Variants in TRAK1 observed in about 807,000 individuals in gnomAD.
The protein encoded by TRAK1 is trafficking kinesin protein 1, also known as trafficking kinesin-binding protein 1.
Under a neutral mutation model 92.1 loss-of-function variants are expected in TRAK1, and 33 were observed. The ratio of observed to expected loss-of-function variants is 0.36; its 90% CI spans 0.27 to 0.48. TRAK1 has a LOEUF of 0.48. Among genes scored for constraint, TRAK1 ranks in the 20% least tolerant of loss-of-function variants. The pLI is 0.99. For missense variants in TRAK1, 1,123 were observed against 1,257.9 expected (o/e 0.89, Z 1.62); for synonymous variants, 521 against 517.3 (o/e 1.01, Z -0.10).
chr3:42,103,997 G>A (rs1345613915), intron 1 of TRAK1, among the ~76,000 whole-genome samples: 2 of 152,216 alleles, frequency 1.3e-5, no homozygotes, highest in African/African-American at 4.8e-5. Flanking sequence ...AATGGTCTTA[G>A]CAAATAGCAC....
intron 13 of TRAK1, among the ~76,000 whole-genome samples, chr3:42,207,167 T>C (rs1437627859): frequency 6.6e-6 from 1 of 152,164 alleles, no homozygotes. Flanking sequence ...CAGACTCCAG[T>C]GTACAGTCCC....
chr3:42,041,940 G>A (rs1265136758), intron 1 of TRAK1, among the ~76,000 whole-genome samples: 1 of 152,038 alleles, frequency 6.6e-6, no homozygotes, highest in African/African-American at 2.4e-5. Context: ...TTGCAGGCAC[G>A]TGTCACCACA....
At chr3:42,192,409 C>T (rs370322535) in intron 7 of TRAK1, among the ~76,000 whole-genome samples, 3 of 151,712 alleles carry the variant, frequency 2.0e-5, no homozygotes, top group East Asian at 3.9e-4. Flanking sequence ...TATTGCATTT[C>T]GTCAAAGTAC....
At chr3:42,038,803 G>GGTTT (rs1702424232) in intron 1 of TRAK1, among the ~76,000 whole-genome samples, 11 of 96,758 alleles carry the variant, frequency 1.1e-4, no homozygotes, top group Non-Finnish European at 1.4e-4. Flanking sequence ...AAAAAAAAAA[G>GGTTT]TTTTTTTTTT....
chr3:42,175,844 G>A (rs1288987241), intron 2 of TRAK1, among the ~76,000 whole-genome samples: 1 of 152,170 alleles, frequency 6.6e-6, no homozygotes, highest in African/African-American at 2.4e-5. Flanking sequence ...ATTCACTGAA[G>A]TCTTAGTTAC....
chr3:42,161,594 C>A (rs1230340338), intron 2 of TRAK1, among the ~76,000 whole-genome samples: 1 of 152,188 alleles, frequency 6.6e-6, no homozygotes, highest in Non-Finnish European at 1.5e-5. Context: ...CTAAGTTGCC[C>A]AGGCTGGAAC....
intron 1 of TRAK1, among the ~76,000 whole-genome samples, chr3:42,056,753 A>G (rs537554045): frequency 3.5e-4 from 53 of 152,346 alleles, no homozygotes; most frequent in African/African-American, 1.3e-3. Flanking sequence ...CTTTAAATGT[A>G]TGCCATGTTA....
At chr3:42,157,243 G>A (rs1468097006) in intron 2 of TRAK1, among the ~76,000 whole-genome samples, 1 of 151,618 alleles carries the variant, frequency 6.6e-6, no homozygotes, top group Non-Finnish European at 1.5e-5. Context: ...TGGATTGCTT[G>A]AGCCCAGGAG....
At chr3:42,150,315 C>A (rs1488817763) in intron 2 of TRAK1, among the ~76,000 whole-genome samples, 7 of 152,164 alleles carry the variant, frequency 4.6e-5, no homozygotes, top group Non-Finnish European at 1.0e-4. Context: ...TTCAAGCACA[C>A]AGAAAACAGC....
chr3:42,070,185 G>A (rs918310366), intron 1 of TRAK1, among the ~76,000 whole-genome samples: 1 of 150,868 alleles, frequency 6.6e-6, no homozygotes, highest in Non-Finnish European at 1.5e-5. Flanking sequence ...CTGGGTGTGA[G>A]TGAGCTTGTT....
Position 42,193,858 on chromosome 3 carries a change from T to C in TRAK1, c.935T>C (p.Leu312Pro). 14 of 1,614,208 alleles carry C rather than the reference T, an allele frequency of 8.7e-6. No individual in the cohort carries two copies. The highest frequency in any genetic ancestry group is 1.2e-5 in the Non-Finnish European group (14 of 1,180,026). ...GAAAATGAAGAACTTGTCCAGCATC[T>C]GGGGGCTGCTAAGGATGCCCAGCGG... Reference protein sequence around the residue: ...AVENEELVQHLGAAKDAQRQL... With the variant: ...AVENEELVQHPGAAKDAQRQL... Residue 312 changes from leucine to proline, a missense_variant, in exon 9 of 16, where the codon CTG (leucine) becomes CCG (proline). Physicochemically the swap from Leu to Pro is moderately conservative, Grantham distance 98 (BLOSUM62 -3). This residue lies in a region of TRAK1 where 686 missense variants were observed against 747.6 expected (regional missense o/e 0.92). Transcript: ENST00000327628.
At chr3:42,125,038 G>A (rs1710384403) in intron 1 of TRAK1, among the ~76,000 whole-genome samples, 1 of 152,202 alleles carries the variant, frequency 6.6e-6, no homozygotes, top group Non-Finnish European at 1.5e-5. Flanking sequence ...TAAAAGAGTG[G>A]CATGAAGAAG....
At chr3:42,096,751 T>G (rs1254981110) in intron 1 of TRAK1, among the ~76,000 whole-genome samples, 1 of 152,224 alleles carries the variant, frequency 6.6e-6, no homozygotes, top group Admixed American at 6.5e-5. Flanking sequence ...TGAAGCATGC[T>G]GGCTACTCAA....
At chr3:42,077,101 C>T (rs190595972) in intron 1 of TRAK1, among the ~76,000 whole-genome samples, 47 of 152,214 alleles carry the variant, frequency 3.1e-4, no homozygotes, top group Middle Eastern at 3.4e-3. Flanking sequence ...CTTATAATTG[C>T]TTTGGCTATT....
At chr3:42,107,751 G>A (rs770960039) in intron 1 of TRAK1, among the ~76,000 whole-genome samples, 2 of 152,092 alleles carry the variant, frequency 1.3e-5, no homozygotes, top group East Asian at 1.9e-4. Context: ...GTAACTATCT[G>A]TATCAGTAAG....
At chr3:42,108,665 C>G (rs887780977) in intron 1 of TRAK1, among the ~76,000 whole-genome samples, 4 of 151,798 alleles carry the variant, frequency 2.6e-5, no homozygotes, top group African/African-American at 9.7e-5. Context: ...CCCTCCATTC[C>G]CAGCACTGCT....
chr3:42,219,672 T>C lies in TRAK1; in HGVS notation c.2066+76T>C, dbSNP rs1577070061. ...CTCCCTTCCCTGCAAGGCTTAATGT[T>C]GAGGAAAGCCAAGTAGAGAGGCTCA... On this transcript the variant is annotated intron_variant, in intron 15 of 15. Transcript: ENST00000327628. The C allele has an allele frequency of 7.8e-6, 12 of 1,548,088 alleles. No individual in the cohort carries two copies. The East Asian group carries it at 2.7e-4, about 35-fold the overall frequency.
intron 1 of TRAK1, among the ~76,000 whole-genome samples, chr3:42,054,910 T>C (rs1424694171): frequency 1.1e-5 from 1 of 91,378 alleles, no homozygotes; most frequent in African/African-American, 1.0e-4. Context: ...CTAGATTTTT[T>C]TTTTTTTTTT....
At chr3:42,208,896 G>T (rs1208420220) in intron 13 of TRAK1, among the ~76,000 whole-genome samples, 4 of 152,186 alleles carry the variant, frequency 2.6e-5, no homozygotes, top group Non-Finnish European at 5.9e-5. Context: ...CATACTAAAG[G>T]TTCTGTGATG....
Sources: gnomAD v4.1 joint callset for allele counts (sites outside exome capture counted in the v4.1 genomes callset) on GRCh38, gnomAD v4.1.1 for gene constraint, gnomAD v4.1.1 regional missense constraint, MANE v1.5 for transcripts, NCBI Gene and HGNC (gene_info 2026-07-23, HGNC 2026-07-21) for gene names.